The following FAM174A variants were observed in gnomAD, a reference collection of about 807,000 sequenced individuals.
The protein encoded by FAM174A is family with sequence similarity 174 member A.
A neutral mutation model predicts 14.3 loss-of-function variants in FAM174A; 14 were observed. The observed-to-expected ratio is 0.98, with a 90% CI of 0.65 to 1.53. The LOEUF (loss-of-function observed/expected upper bound fraction) is 1.53, where lower values mean the gene tolerates loss of function less well. Among genes scored for constraint, FAM174A ranks in the 40% most tolerant of loss-of-function variants. FAM174A has a pLI of 0.00. For missense variants in FAM174A, 241 were observed against 249.6 expected, an observed-to-expected ratio of 0.97 and a Z score of 0.23; for synonymous variants, 108 against 111.4, an observed-to-expected ratio of 0.97 and a Z score of 0.19.
At chr5:100,578,539 A>G (rs1192945177) in intron 2 of FAM174A, among the ~76,000 whole-genome samples, 1 of 152,204 alleles carries the variant, frequency 6.6e-6, no homozygotes, top group Non-Finnish European at 1.5e-5. Context: ...TCAGGATGAC[A>G]CTAGAATTCA....
At chr5:100,583,256 A>G (rs1183133762) in intron 2 of FAM174A, among the ~76,000 whole-genome samples, 1 of 152,180 alleles carries the variant, frequency 6.6e-6, no homozygotes, top group Non-Finnish European at 1.5e-5. Flanking sequence ...GAGTTGAAGC[A>G]GGTGGAAGGG....
intron 1 of FAM174A, among the ~76,000 whole-genome samples, chr5:100,540,832 T>G (rs936180230): frequency 2.0e-5 from 3 of 152,174 alleles, no homozygotes; most frequent in Non-Finnish European, 4.4e-5. Context: ...TACTAGTTTG[T>G]TGGGGGCGTT....
chr5:100,535,879 G>C lies in FAM174A; in HGVS notation c.349G>C (p.Asp117His). 1 of 1,613,116 alleles carries C rather than the reference G, an allele frequency of 6.2e-7. No individual in the cohort carries two copies. Among genetic ancestry groups the C allele is most frequent in the Non-Finnish European group, 8.5e-7 (1 of 1,179,934 alleles). The change falls in exon 1 of 3, where the codon GAC becomes CAC. Residue 117 changes from aspartate to histidine, a missense_variant. By Grantham distance (81) the Asp-to-His change is moderately conservative (BLOSUM62 -1). Transcript: ENST00000312637. Reference protein sequence around the residue: ...GGLAVSPNPGDKPMTQRALTV... With the variant: ...GGLAVSPNPGHKPMTQRALTV... ...CCTTGCTGTGAGCCCCAACCCTGGC[G>C]ACAAGCCCATGACCCAGCGGGCCCT...
At chr5:100,573,522 T>C (rs977870163) in intron 2 of FAM174A, among the ~76,000 whole-genome samples, 6 of 152,008 alleles carry the variant, frequency 3.9e-5, no homozygotes, top group African/African-American at 1.2e-4. Context: ...TTACAAGGGA[T>C]GTGAAGGACC....
chr5:100,540,451 A>T (rs940064927), intron 1 of FAM174A, among the ~76,000 whole-genome samples: 12 of 152,082 alleles, frequency 7.9e-5, no homozygotes, highest in African/African-American at 2.9e-4. Flanking sequence ...TTTTCCTAAC[A>T]TGTGTAAATT....
chr5:100,586,194 T>C lies in FAM174A; in HGVS notation c.*10T>C. 1 of 1,417,186 alleles carries C rather than the reference T, an allele frequency of 7.1e-7. No homozygotes were observed. The highest frequency in any genetic ancestry group is 9.7e-7 in the Non-Finnish European group (1 of 1,029,026). 87.8% of individuals were successfully genotyped at this position (1,417,186 alleles called of 1,614,324 possible). On this transcript the variant is annotated 3_prime_UTR_variant, in exon 3 of 3. Transcript: ENST00000312637. ...TTTTTCTTGCAGATAAGAATGTGCCTTTTGATGAAAGAACTTTATCTTTCT... is the reference window on the plus strand; with the variant it reads ...TTTTTCTTGCAGATAAGAATGTGCCCTTTGATGAAAGAACTTTATCTTTCT...
At chr5:100,571,980 A>G (rs1003210120) in intron 2 of FAM174A, among the ~76,000 whole-genome samples, 1 of 151,916 alleles carries the variant, frequency 6.6e-6, no homozygotes, top group South Asian at 2.1e-4. Flanking sequence ...ATCAGGAAAC[A>G]TATAACTGTT....
chr5:100,578,729 A>G (rs1468331291), intron 2 of FAM174A, among the ~76,000 whole-genome samples: 1 of 152,178 alleles, frequency 6.6e-6, no homozygotes, highest in East Asian at 1.9e-4. Context: ...TAAAAACTCA[A>G]CACATGTTTG....
intron 2 of FAM174A, among the ~76,000 whole-genome samples, chr5:100,581,967 C>G (rs1747026587): frequency 1.3e-5 from 2 of 152,192 alleles, no homozygotes; most frequent in South Asian, 4.2e-4. Flanking sequence ...TTAAGAGACT[C>G]TTTATGTGGT....
At chr5:100,536,655 T>A (rs1439559608) in intron 1 of FAM174A, among the ~76,000 whole-genome samples, 3 of 151,970 alleles carry the variant, frequency 2.0e-5, no homozygotes, top group African/African-American at 7.3e-5. Context: ...AGAGATAAGG[T>A]GAGGGAAAGC....
intron 1 of FAM174A, among the ~76,000 whole-genome samples, chr5:100,544,697 A>T (rs757633994): frequency 6.6e-6 from 1 of 152,218 alleles, no homozygotes; most frequent in East Asian, 1.9e-4. Flanking sequence ...GTATATTTGC[A>T]TGTATTTACC....
intron 1 of FAM174A, among the ~76,000 whole-genome samples, chr5:100,555,475 C>G (rs868343785): frequency 6.6e-6 from 1 of 152,196 alleles, no homozygotes; most frequent in East Asian, 1.9e-4. Flanking sequence ...AATGGTATTT[C>G]TAGTTCTAGA....
chr5:100,565,421 A>G (rs1021080700), intron 2 of FAM174A, among the ~76,000 whole-genome samples: 4 of 151,810 alleles, frequency 2.6e-5, no homozygotes, highest in South Asian at 2.1e-4. Context: ...CCATATATGT[A>G]TATACATATA....
rs1746508057 is a variant in FAM174A at position 100,560,766 on chromosome 5, A to G, written c.435-1288A>G. Among the ~76,000 whole-genome samples, 3 of 152,000 alleles carry G rather than the reference A, an allele frequency of 2.0e-5. No homozygotes were observed. In the South Asian group the frequency reaches 6.2e-4, roughly 31 times the overall value. ...ACATATGTCAAACAGAGTAAATCAG[A>G]ATTTATGTAAACTGATTTTATTTGT... On this transcript the variant is annotated intron_variant, in intron 1 of 2. Transcript: ENST00000312637.
chr5:100,558,321 G>C (rs1327690313), intron 1 of FAM174A, among the ~76,000 whole-genome samples: 3 of 152,124 alleles, frequency 2.0e-5, no homozygotes, highest in Non-Finnish European at 1.5e-5. Flanking sequence ...TATAATTTCT[G>C]TTCTTTTACA....
chr5:100,551,936 A>C (rs1267630729), intron 1 of FAM174A, among the ~76,000 whole-genome samples: 1 of 152,170 alleles, frequency 6.6e-6, no homozygotes, highest in East Asian at 1.9e-4. Context: ...TAAAGACCTT[A>C]TTTCTAAATA....
chr5:100,556,341 G>A (rs541267162), intron 1 of FAM174A, among the ~76,000 whole-genome samples: 4 of 152,292 alleles, frequency 2.6e-5, no homozygotes, highest in Non-Finnish European at 5.9e-5. Flanking sequence ...TTTGGTTACT[G>A]TAGCCTTGTA....
At chr5:100,573,712 C>T (rs10478520) in intron 2 of FAM174A, among the ~76,000 whole-genome samples, 81,935 of 146,582 alleles carry the variant, frequency 0.56, 25,337 homozygotes, top group African/African-American at 0.81. Context: ...CTTCACAGAA[C>T]TGGAAAAAAC....
chr5:100,574,770 T>C (rs1746868490), intron 2 of FAM174A, among the ~76,000 whole-genome samples: 1 of 152,140 alleles, frequency 6.6e-6, no homozygotes, highest in South Asian at 2.1e-4. Flanking sequence ...GAAAAGAATA[T>C]CTAAGTAAAT....
Sources: allele counts gnomAD v4.1 joint callset (sites outside exome capture counted in the v4.1 genomes callset), GRCh38; gene constraint gnomAD v4.1.1; transcripts MANE v1.5; gene names NCBI Gene and HGNC (gene_info 2026-07-23, HGNC 2026-07-21).